PPFIA2: variants seen among roughly 807,000 people sequenced by gnomAD.
PPFIA2 encodes the protein PPFI scaffold protein A2.
In PPFIA2, 46 loss-of-function variants were observed where a neutral mutation model predicts 175.5. The ratio of observed to expected loss-of-function variants is 0.26; its 90% confidence interval spans 0.21 to 0.34. The LOEUF is 0.34. Ranked by LOEUF, PPFIA2 falls within the 10% of genes least tolerant of loss-of-function variation. PPFIA2 has a pLI of 1.00. For missense variants in PPFIA2, 1,179 were observed against 1,506.1 expected, an observed-to-expected ratio of 0.78 and a Z score of 3.60; for synonymous variants, 568 against 511.4, an observed-to-expected ratio of 1.11 and a Z score of -1.49.
At chr12:81,739,967 G>C (rs1389347404) in intron 3 of PPFIA2, among the ~76,000 whole-genome samples, 1 of 151,992 alleles carries the variant, frequency 6.6e-6, no homozygotes, top group East Asian at 1.9e-4. Flanking sequence ...GACAACCTGG[G>C]GCTTCTTGAC....
chr12:81,624,140 T>G (rs1328166253), intron 4 of PPFIA2, among the ~76,000 whole-genome samples: 2 of 151,890 alleles, frequency 1.3e-5, no homozygotes, highest in Non-Finnish European at 2.9e-5. Context: ...TGTCAAAAGA[T>G]GCTCTTCTTA....
chr12:81,543,202 T>G (rs552937934), intron 4 of PPFIA2, among the ~76,000 whole-genome samples: 1 of 152,038 alleles, frequency 6.6e-6, no homozygotes, highest in African/African-American at 2.4e-5. Flanking sequence ...CACGGAGAAA[T>G]AGCTGATTCT....
chr12:81,290,323 C>A (rs1057061784), intron 24 of PPFIA2, among the ~76,000 whole-genome samples: 6 of 151,132 alleles, frequency 4.0e-5, no homozygotes, highest in African/African-American at 1.5e-4. Flanking sequence ...TAGGTTATGA[C>A]TTTATGTAGT....
intron 3 of PPFIA2, among the ~76,000 whole-genome samples, chr12:81,696,610 T>C (rs2075921969): frequency 1.3e-5 from 2 of 152,176 alleles, no homozygotes; most frequent in South Asian, 4.1e-4. Flanking sequence ...GGGGACCTCA[T>C]TGAACAGGGT....
intron 7 of PPFIA2, among the ~76,000 whole-genome samples, chr12:81,420,307 T>C (rs1307313366): frequency 6.6e-6 from 1 of 152,004 alleles, no homozygotes; most frequent in African/African-American, 2.4e-5. Flanking sequence ...AGGAACACAA[T>C]AATTTTCTAG....
chr12:81,642,697 C>CATG (rs2065238284), intron 4 of PPFIA2, among the ~76,000 whole-genome samples: 1 of 6,716 alleles, frequency 1.5e-4, no homozygotes, highest in Non-Finnish European at 3.7e-4. Context: ...TATATACATA[C>CATG]ATGTATATGT....
At chr12:81,685,177 A>T (rs975069094) in intron 3 of PPFIA2, among the ~76,000 whole-genome samples, 1 of 152,094 alleles carries the variant, frequency 6.6e-6, no homozygotes, top group Non-Finnish European at 1.5e-5. Flanking sequence ...TTTTCACACA[A>T]GGCTTAATGG....
At chr12:81,363,240 C>T (rs1024779854) in intron 14 of PPFIA2, among the ~76,000 whole-genome samples, 1 of 151,148 alleles carries the variant, frequency 6.6e-6, no homozygotes, top group African/African-American at 2.4e-5. Flanking sequence ...TTTTACTCTG[C>T]ATGAGATAGG....
intron 3 of PPFIA2, among the ~76,000 whole-genome samples, chr12:81,683,957 T>A (rs1032324982): frequency 2.0e-5 from 3 of 151,964 alleles, no homozygotes; most frequent in African/African-American, 7.2e-5. Context: ...CCAGCTCTCA[T>A]GGGAACTAAT....
intron 4 of PPFIA2, among the ~76,000 whole-genome samples, chr12:81,521,723 G>A (rs1308171118): frequency 2.0e-5 from 3 of 151,690 alleles, no homozygotes; most frequent in African/African-American, 7.3e-5. Context: ...CGGAGGCTGA[G>A]GCAGGAGAAT....
At chr12:81,417,335 A>C (rs2045474758) in intron 7 of PPFIA2, 1 of 151,442 alleles carries the variant, frequency 6.6e-6, no homozygotes, top group South Asian at 2.1e-4. Flanking sequence ...TGCATGGTTA[A>C]CACTGTAAGT....
At chr12:81,526,753 T>C (rs2063776877) in intron 4 of PPFIA2, among the ~76,000 whole-genome samples, 1 of 152,198 alleles carries the variant, frequency 6.6e-6, no homozygotes, top group Non-Finnish European at 1.5e-5. Context: ...TTTTAAAATA[T>C]TTAACATTTT....
chr12:81,483,562 A>G (rs1051471385), intron 4 of PPFIA2, among the ~76,000 whole-genome samples: 1 of 152,088 alleles, frequency 6.6e-6, no homozygotes, highest in African/African-American at 2.4e-5. Flanking sequence ...TAATAGATAC[A>G]GAGAAGAGGG....
At chr12:81,570,986 T>C (rs1247504071) in intron 4 of PPFIA2, among the ~76,000 whole-genome samples, 1 of 151,956 alleles carries the variant, frequency 6.6e-6, no homozygotes, top group East Asian at 1.9e-4. Flanking sequence ...TTGCATCCCC[T>C]AGTAAAAAAA....
At chr12:81,514,150 C>A (rs986794771) in intron 4 of PPFIA2, among the ~76,000 whole-genome samples, 3 of 151,816 alleles carry the variant, frequency 2.0e-5, no homozygotes, top group African/African-American at 4.8e-5. Context: ...TTGATTCTGC[C>A]CTCTTCTATC....
chr12:81,661,765 C>A (rs1000518194), intron 4 of PPFIA2, among the ~76,000 whole-genome samples: 1 of 152,136 alleles, frequency 6.6e-6, no homozygotes, highest in Non-Finnish European at 1.5e-5. Flanking sequence ...AGCACCACAC[C>A]GCACTTGTTC....
chr12:81,369,200 A>C lies in PPFIA2; in HGVS notation c.1267-6T>G, dbSNP rs754640640. The C allele has an allele frequency of 5.0e-6, 8 of 1,603,942 alleles. No individual in the cohort carries two copies. The highest frequency in any genetic ancestry group is 6.8e-6 in the Non-Finnish European group (8 of 1,173,844). On this transcript the variant is annotated splice_region_variant and splice_polypyrimidine_tract_variant and intron_variant, in intron 11 of 32. Coordinates refer to ENST00000549396, the MANE Select transcript of PPFIA2 (RefSeq NM_003625.5). ...TTTCCATGTCTCTCTTCAGCCTGTT[A>C]AGAAATATGAAGAATACACCTGAAA...
chr12:81,501,183 A>G (rs1454210011), intron 4 of PPFIA2, among the ~76,000 whole-genome samples: 1 of 152,146 alleles, frequency 6.6e-6, no homozygotes, highest in Non-Finnish European at 1.5e-5. Context: ...AAAAATCCAA[A>G]TTCATTCTCA....
At chr12:81,584,802 A>G (rs1485789526) in intron 4 of PPFIA2, among the ~76,000 whole-genome samples, 1 of 132,340 alleles carries the variant, frequency 7.6e-6, no homozygotes, top group Non-Finnish European at 1.5e-5. Context: ...TATAATATAT[A>G]TATTTATTAT....
Sources: gnomAD v4.1 joint callset for allele counts (sites outside exome capture counted in the v4.1 genomes callset) on GRCh38, gnomAD v4.1.1 for gene constraint, MANE v1.5 for transcripts, NCBI Gene and HGNC (gene_info 2026-07-23, HGNC 2026-07-21) for gene names.